Variants in STS observed in about 807,000 individuals in gnomAD.
The protein encoded by STS is steryl-sulfatase.
In STS, 7 loss-of-function variants were observed where a neutral mutation model predicts 26.8. That is an observed-to-expected ratio of 0.26 (90% CI 0.15 to 0.49). STS has a LOEUF of 0.49. STS is among the 20% of genes least tolerant of loss of function. The pLI is 0.98. For missense variants in STS, 434 were observed against 465.6 expected, an observed-to-expected ratio of 0.93 and a Z score of 0.63; for synonymous variants, 199 against 189.4, an observed-to-expected ratio of 1.05 and a Z score of -0.42.
At chrX:7,174,734 TA>T (rs1179279134) in intron 1 of STS, among the ~76,000 whole-genome samples, 40 of 111,585 alleles carry the variant, frequency 3.6e-4, no homozygotes, top group South Asian at 1.5e-3. Context: ...TCACATTTAC[TA>T]GGAAATTTTG....
At chrX:7,301,310 T>G (rs1483582552) in intron 7 of STS, among the ~76,000 whole-genome samples, 4 of 110,082 alleles carry the variant, frequency 3.6e-5, no homozygotes, top group African/African-American at 6.6e-5. Context: ...GAGGATCACT[T>G]CAGCCCAAGA....
In STS at chrX:7,350,103, G is replaced by A. The variant is rs145645949; in HGVS notation, c.1579G>A (p.Glu527Lys). Residue 527 changes from glutamate to lysine, a missense_variant, in exon 11 of 11, where the codon GAA (glutamate) becomes AAA (lysine). Around this residue, in one of 2 missense-constraint regions of STS, gnomAD observed 205 missense variants for 177.3 expected, o/e 1.16. Transcript: ENST00000674429. The part of the protein sequence containing the change: ...RFYEILKVMQ[E>K]AADRHTQTLP... ...TTATGAAATCCTCAAAGTCATGCAG[G>A]AAGCTGCGGACAGACACACCCAGAC... 14 of 1,211,973 alleles carry A rather than the reference G, an allele frequency of 1.2e-5. No homozygotes were observed. Among genetic ancestry groups the A allele is most frequent in the African/African-American group, 3.5e-5 (2 of 57,910 alleles).
intron 2 of STS, among the ~76,000 whole-genome samples, chrX:7,229,663 G>A (rs1452332208): frequency 9.0e-6 from 1 of 110,605 alleles, no homozygotes; most frequent in African/African-American, 3.3e-5. Flanking sequence ...GGCTGCAGGT[G>A]GGCTGTCTGG....
At chrX:7,291,063 T>C (rs922907040) in intron 7 of STS, among the ~76,000 whole-genome samples, 4 of 111,845 alleles carry the variant, frequency 3.6e-5, no homozygotes, top group Middle Eastern at 4.2e-3. Flanking sequence ...TTGTGACCTT[T>C]CGTTGGTTTG....
chrX:7,234,489 A>AAGG (rs1922222136), intron 2 of STS, among the ~76,000 whole-genome samples: 1 of 112,044 alleles, frequency 8.9e-6, no homozygotes, highest in African/African-American at 3.2e-5. Flanking sequence ...GAGCAAATAA[A>AAGG]AGGGTGGTGG....
rs749370372 is a variant in STS at position 7,167,789 on chromosome X, G to A, written c.-134+19706G>A. Among the ~76,000 whole-genome samples, 8 of 111,247 alleles carry A rather than the reference G, an allele frequency of 7.2e-5. No homozygotes were observed. In the South Asian group the frequency reaches 3.1e-3, roughly 43 times the overall value. On this transcript the variant is annotated intron_variant, in intron 1 of 10. Coordinates refer to ENST00000674429, the MANE Select transcript of STS (RefSeq NM_001320752.2). ...TGCAACCCCAACCTCCTGCATTCAA[G>A]CCATCCTCCTGGCTCAGCCTCCCAA...
chrX:7,258,683 G>C (rs1189022198), intron 5 of STS, among the ~76,000 whole-genome samples: 1 of 110,563 alleles, frequency 9.0e-6, no homozygotes. Context: ...TTTTTCTTTT[G>C]TGAGGCACTC....
chrX:7,331,209 G>C (rs1169251863), intron 9 of STS, among the ~76,000 whole-genome samples: 3 of 111,393 alleles, frequency 2.7e-5, no homozygotes, highest in Non-Finnish European at 5.7e-5. Context: ...GACGTCAATA[G>C]GGTTCAGGGA....
intron 6 of STS, among the ~76,000 whole-genome samples, chrX:7,260,267 C>T (rs1488057791): frequency 3.6e-5 from 4 of 112,537 alleles, no homozygotes; most frequent in Admixed American, 1.9e-4. Context: ...TGTTTAATGG[C>T]CTTAGAAAGG....
At chrX:7,205,453 G>C (rs1934195106) in intron 2 of STS, among the ~76,000 whole-genome samples, 1 of 111,467 alleles carries the variant, frequency 9.0e-6, no homozygotes, top group Non-Finnish European at 1.9e-5. Context: ...GCTTGCTTGG[G>C]AGCAGAGACC....
At chrX:7,330,803 A>G (rs1927710222) in intron 9 of STS, among the ~76,000 whole-genome samples, 1 of 112,513 alleles carries the variant, frequency 8.9e-6, no homozygotes, top group African/African-American at 3.2e-5. Context: ...CTGTTCAACT[A>G]TGGCAGAGGG....
intron 7 of STS, among the ~76,000 whole-genome samples, chrX:7,296,891 A>G (rs1163102287): frequency 8.9e-6 from 1 of 112,091 alleles, no homozygotes; most frequent in African/African-American, 3.2e-5. Context: ...ACAACCAGGT[A>G]CAACACAATA....
chrX:7,261,756 T>A (rs1240957187), intron 6 of STS, among the ~76,000 whole-genome samples: 3 of 112,143 alleles, frequency 2.7e-5, no homozygotes, highest in African/African-American at 6.5e-5. Context: ...TGTATTTTAG[T>A]ATATCTCTCT....
chrX:7,188,352 TG>T (rs1933811655), intron 1 of STS, among the ~76,000 whole-genome samples: 1 of 111,541 alleles, frequency 9.0e-6, no homozygotes, highest in South Asian at 3.8e-4. Flanking sequence ...TTCTTTGTCT[TG>T]GGGGCTGCCT....
At chrX:7,339,483 C>G (rs1336969786) in intron 10 of STS, among the ~76,000 whole-genome samples, 1 of 112,321 alleles carries the variant, frequency 8.9e-6, no homozygotes, top group Non-Finnish European at 1.9e-5. Context: ...GTGAACACTT[C>G]AAATGCTGCA....
chrX:7,213,038 T>G (rs749055269), intron 2 of STS, among the ~76,000 whole-genome samples: 6 of 111,557 alleles, frequency 5.4e-5, no homozygotes, highest in Non-Finnish European at 1.1e-4. Context: ...CAAACTAGCC[T>G]CAAGCGATCC....
At chrX:7,200,655 C>A (rs1282356472) in intron 2 of STS, among the ~76,000 whole-genome samples, 4 of 111,386 alleles carry the variant, frequency 3.6e-5, no homozygotes, top group Non-Finnish European at 3.8e-5. Flanking sequence ...AAAATGGATG[C>A]CCCAGTGCCA....
intron 7 of STS, among the ~76,000 whole-genome samples, chrX:7,285,263 C>T (rs1455194730): frequency 1.8e-5 from 2 of 111,254 alleles, no homozygotes; most frequent in Non-Finnish European, 3.8e-5. Flanking sequence ...CTTGCTGTTC[C>T]TCATATATTT....
intron 2 of STS, among the ~76,000 whole-genome samples, chrX:7,204,878 T>C (rs868456690): frequency 9.3e-6 from 1 of 107,960 alleles, no homozygotes; most frequent in Non-Finnish European, 1.9e-5. Flanking sequence ...TTTTTTTCCT[T>C]CCTTTCCCTT....
Sources: allele counts gnomAD v4.1 joint callset (sites outside exome capture counted in the v4.1 genomes callset), GRCh38; gene constraint gnomAD v4.1.1; regional missense constraint gnomAD v4.1.1; transcripts MANE v1.5; gene names NCBI Gene and HGNC (gene_info 2026-07-23, HGNC 2026-07-21).